ANKRD26: variants seen among roughly 807,000 people sequenced by gnomAD.
ANKRD26 encodes ankyrin repeat domain 26, also known as ankyrin repeat domain-containing protein 26.
A neutral mutation model predicts 208.7 loss-of-function variants in ANKRD26; 141 were observed. The observed-to-expected ratio is 0.68, with a 90% confidence interval of 0.59 to 0.78. ANKRD26 has a LOEUF of 0.78. ANKRD26 is among the 30% of genes least tolerant of loss of function. The probability of loss-of-function intolerance (pLI) is 0.00; values close to 1 mark genes in which losing one functional copy is unlikely to be tolerated. For synonymous variants in ANKRD26, 636 were observed against 660.4 expected (o/e 0.96, Z 0.57); for missense variants, 1,889 against 1,938.7 (o/e 0.97, Z 0.48).
intron 20 of ANKRD26, among the ~76,000 whole-genome samples, chr10:27,042,557 T>C (rs149035234): frequency 0.034 from 5,135 of 152,040 alleles, 103 homozygotes; most frequent in Non-Finnish European, 0.049. Context: ...ATTGAGACCA[T>C]CCTGGCTAAC....
intron 9 of ANKRD26, among the ~76,000 whole-genome samples, chr10:27,070,010 G>A (rs1450564120): frequency 1.3e-5 from 2 of 151,424 alleles, no homozygotes; most frequent in African/African-American, 2.4e-5. Flanking sequence ...CCAGCTACTT[G>A]GGAAGCTGAA....
chr10:26,972,176 A>G (rs189232430), downstream of ANKRD26, among the ~76,000 whole-genome samples: 243 of 150,886 alleles, frequency 1.6e-3, 2 homozygotes, highest in Admixed American at 0.013. Context: ...CGGAGCTTGC[A>G]GTGAGCCGAG....
At chr10:26,969,025 T>G (rs2052107688), downstream of ANKRD26, among the ~76,000 whole-genome samples, 1 of 152,268 alleles carries the variant, frequency 6.6e-6, no homozygotes, top group Middle Eastern at 3.4e-3. Context: ...AAGAAGTTCC[T>G]TAGGGATCCA....
intron 12 of ANKRD26, chr10:27,061,913 T>C: frequency 2.1e-6 from 2 of 974,008 alleles, no homozygotes; most frequent in African/African-American, 1.8e-5. Flanking sequence ...GAGATATGAA[T>C]CACTGTAGTT....
the ANKRD26 span, among the ~76,000 whole-genome samples, chr10:26,956,777 C>A: frequency 3.9e-5 from 6 of 152,108 alleles, no homozygotes; most frequent in Admixed American, 2.0e-4. Context: ...TGGAGGCCAC[C>A]AGGTAAGAGT....
At chr10:27,025,912 T>C (rs1209382192) in intron 27 of ANKRD26, among the ~76,000 whole-genome samples, 1 of 152,208 alleles carries the variant, frequency 6.6e-6, no homozygotes, top group Non-Finnish European at 1.5e-5. Flanking sequence ...ATTCCTTTTG[T>C]AGGTAGCTAA....
intron 3 of ANKRD26, among the ~76,000 whole-genome samples, chr10:26,984,892 G>A (rs1312244197): frequency 2.0e-5 from 3 of 152,112 alleles, no homozygotes; most frequent in Non-Finnish European, 4.4e-5. Flanking sequence ...CCTGAAGACT[G>A]AGGGTGGTAG....
chr10:26,983,083 T>C (rs531126606), intron 3 of ANKRD26, among the ~76,000 whole-genome samples: 6 of 152,326 alleles, frequency 3.9e-5, no homozygotes, highest in East Asian at 1.9e-4. Flanking sequence ...TCTAACGCCA[T>C]ACAATTTTGC....
chr10:27,039,991 T>A lies in ANKRD26; in HGVS notation c.2349A>T (p.Glu783Asp). ...IKSQLEHQKV[E>D]WERELCSLRF... ...TCAAAGAGCACAGTTCTCGTTCCCA[T>A]TCAACTTTTTGATGCTCTAACTGTG... The change falls in exon 21 of 34, where the codon GAA (glutamate) becomes GAT (aspartate). Residue 783 changes from glutamate to aspartate, a missense_variant. Physicochemically the swap from Glu to Asp is conservative, Grantham distance 45. Coordinates refer to ENST00000376087, the MANE Select transcript of ANKRD26 (RefSeq NM_014915.3). The A allele has an allele frequency of 6.2e-7, 1 of 1,613,766 alleles. No homozygotes were observed. The highest frequency in any genetic ancestry group is 8.5e-7 in the Non-Finnish European group (1 of 1,179,874).
Position 27,034,957 on chromosome 10 carries a change from T to C in ANKRD26, c.3493A>G (p.Ile1165Val), listed in dbSNP as rs1205118235. 3 of 1,614,104 alleles carry C rather than the reference T, an allele frequency of 1.9e-6. No homozygotes were observed. Among genetic ancestry groups the C allele is most frequent in the Admixed American group, 3.3e-5 (2 of 60,022 alleles). ...NKADNKEKTVINIQDQFHAIV... is the reference protein window; with the variant it reads ...NKADNKEKTVVNIQDQFHAIV... ...GCATGAAACTGGTCTTGGATATTAA[T>C]CACTGTCTTCTCTTTATTGTCAGCC... is the stretch of plus-strand genomic sequence containing the variant. The change falls in exon 24 of 34, where the codon ATT (isoleucine) becomes GTT (valine). Residue 1165 changes from isoleucine to valine, a missense_variant. By Grantham distance (29) the Ile-to-Val change is conservative. Coordinates refer to ENST00000376087, the MANE Select transcript of ANKRD26 (RefSeq NM_014915.3).
At chr10:27,041,725 T>G (rs1037057866) in intron 20 of ANKRD26, among the ~76,000 whole-genome samples, 10 of 151,638 alleles carry the variant, frequency 6.6e-5, no homozygotes, top group Non-Finnish European at 1.5e-4. Flanking sequence ...GAGACATCAA[T>G]GAACTACGGA....
chr10:26,996,168 C>A (rs1006889901), intron 4 of ANKRD26, among the ~76,000 whole-genome samples: 3 of 152,124 alleles, frequency 2.0e-5, no homozygotes, highest in African/African-American at 7.2e-5. Flanking sequence ...CCACCCTCAG[C>A]CCAGGCATGG....
the ANKRD26 span, among the ~76,000 whole-genome samples, chr10:26,956,681 C>T: frequency 6.6e-6 from 1 of 151,670 alleles, no homozygotes; most frequent in Non-Finnish European, 1.5e-5. Flanking sequence ...ATTTGTTTTT[C>T]CTGCCTCAGG....
chr10:27,013,186 A>T, intron 31 of ANKRD26, 76 bp from the exon 32 acceptor site: 1 of 1,314,498 alleles, frequency 7.6e-7, no homozygotes. Context: ...TGCAATTTTT[A>T]AAAAGTTACC....
chr10:26,992,469 T>TAC (rs61459601), intron 5 of ANKRD26, among the ~76,000 whole-genome samples: 39,935 of 135,978 alleles, frequency 0.29, 6,394 homozygotes, highest in Non-Finnish European at 0.38. Flanking sequence ...TACACACACG[T>TAC]ACACACACAC....
At chr10:27,033,591 A>G (rs1406228257) in intron 24 of ANKRD26, among the ~76,000 whole-genome samples, 1 of 152,196 alleles carries the variant, frequency 6.6e-6, no homozygotes, top group Non-Finnish European at 1.5e-5. Flanking sequence ...CCAATTAGGT[A>G]TGACGTTACT....
In ANKRD26 at chr10:27,066,525, C is replaced by G. The variant is rs201978757; in HGVS notation, c.1231G>C (p.Gly411Arg). The G allele has an allele frequency of 8.7e-6, 14 of 1,600,632 alleles. No homozygotes were observed. Among genetic ancestry groups the G allele is most frequent in the Non-Finnish European group, 1.2e-5 (14 of 1,171,684 alleles). The change falls in exon 11 of 34, where the codon GGA becomes CGA. Residue 411 changes from glycine to arginine, a missense_variant. This residue lies in a region of ANKRD26 where 1,272 missense variants were observed against 1,273.8 expected (regional missense o/e 1.00). Coordinates refer to ENST00000376087, the MANE Select transcript of ANKRD26 (RefSeq NM_014915.3). ...GGTGATTCTATATCTTCCTCTTGTC[C>G]TAATCCTAATGCGGACATCATATCT... ...RSDMMSALGL[G>R]QEEDIESPWD...
At chr10:27,012,048 T>G (rs2053130879) in intron 32 of ANKRD26, among the ~76,000 whole-genome samples, 2 of 152,218 alleles carry the variant, frequency 1.3e-5, no homozygotes, top group Admixed American at 6.5e-5. Context: ...GTGTTAGAGT[T>G]TGTTTAATTC....
rs2056432713 is a variant in ANKRD26 at position 27,095,324 on chromosome 10, G to A, written c.243-1525C>T. 2.0e-5 allele frequency among the ~76,000 whole-genome samples: 3 copies of A among 151,440 alleles called. No homozygotes were observed. In the South Asian group the frequency reaches 6.2e-4, roughly 31 times the overall value. On this transcript the variant is annotated intron_variant, in intron 1 of 33. Coordinates refer to ENST00000376087, the MANE Select transcript of ANKRD26 (RefSeq NM_014915.3). ...TGTTTAAGACATAAATTTTCAAAAG[G>A]GTAATTAAAGGTTATTTCTTATAAT...
Sources: gnomAD v4.1 joint callset for allele counts (sites outside exome capture counted in the v4.1 genomes callset) on GRCh38, gnomAD v4.1.1 for gene constraint, gnomAD v4.1.1 regional missense constraint, MANE v1.5 for transcripts, NCBI Gene and HGNC (gene_info 2026-07-23, HGNC 2026-07-21) for gene names.